The following PWWP3B variants were observed in gnomAD, a reference collection of about 807,000 sequenced individuals.
The protein encoded by PWWP3B is PWWP domain-containing DNA repair factor 3B.
In PWWP3B, 5 loss-of-function variants were observed where a neutral mutation model predicts 15.7. The ratio of observed to expected loss-of-function variants is 0.32; its 90% confidence interval spans 0.17 to 0.67. The LOEUF is 0.67. Ranked by LOEUF, PWWP3B falls within the 30% of genes least tolerant of loss-of-function variation. The probability of loss-of-function intolerance (pLI) is 0.74; values close to 1 mark genes in which losing one functional copy is unlikely to be tolerated. For synonymous variants in PWWP3B, 203 were observed against 179.8 expected, an observed-to-expected ratio of 1.13 and a Z score of -1.03; for missense variants, 519 against 493.1, an observed-to-expected ratio of 1.05 and a Z score of -0.50.
intron 2 of PWWP3B, among the ~76,000 whole-genome samples, chrX:106,192,795 A>G (rs1156802557): frequency 1.8e-5 from 2 of 110,714 alleles, no homozygotes; most frequent in Non-Finnish European, 3.8e-5. Context: ...TCATTTCATT[A>G]TGTACCCAGT....
intron 2 of PWWP3B, among the ~76,000 whole-genome samples, chrX:106,192,333 G>T (rs1207736939): frequency 8.9e-6 from 1 of 111,764 alleles, no homozygotes; most frequent in African/African-American, 3.3e-5. Context: ...TTGCATAGAG[G>T]TGTTTATAGT....
At chrX:106,197,870 A>G (rs1454831379) in intron 2 of PWWP3B, among the ~76,000 whole-genome samples, 1 of 111,444 alleles carries the variant, frequency 9.0e-6, no homozygotes, top group African/African-American at 3.3e-5. Flanking sequence ...ATTTATCATT[A>G]TTAAGTTATG....
chrX:106,191,786 C>A (rs981552843), intron 2 of PWWP3B, among the ~76,000 whole-genome samples: 3 of 111,552 alleles, frequency 2.7e-5, no homozygotes, highest in African/African-American at 9.8e-5. Flanking sequence ...TTTTCTGCAT[C>A]TATTGAGATA....
chrX:106,183,635 A>G (rs1309030861), intron 2 of PWWP3B, among the ~76,000 whole-genome samples: 1 of 112,417 alleles, frequency 8.9e-6, no homozygotes, highest in Non-Finnish European at 1.9e-5. Context: ...CCAGTTACAA[A>G]TGAGGAGGTG....
chrX:106,205,139 T>G, intron 3 of PWWP3B, 80 bp from the exon 4 acceptor site: 1 of 217,786 alleles, frequency 4.6e-6, no homozygotes, highest in East Asian at 7.7e-5. Context: ...CCCTTCTCCA[T>G]TTGTAATTGC....
chrX:106,189,691 C>T (rs1192657492), intron 2 of PWWP3B, among the ~76,000 whole-genome samples: 3 of 103,390 alleles, frequency 2.9e-5, no homozygotes, highest in African/African-American at 1.1e-4. Flanking sequence ...GATCTCGGCT[C>T]ACTGCAAGCT....
chrX:106,188,631 C>T, intron 2 of PWWP3B, among the ~76,000 whole-genome samples: 1 of 112,343 alleles, frequency 8.9e-6, no homozygotes. Context: ...TATAACCTTT[C>T]CTTTACTCCA....
chrX:106,206,427 A>G lies in PWWP3B; in HGVS notation c.995A>G (p.His332Arg), dbSNP rs762431161. The G allele has an allele frequency of 3.3e-6, 4 of 1,210,134 alleles. No homozygotes were observed. The highest frequency in any genetic ancestry group is 2.3e-4 in the Middle Eastern group (1 of 4,350). ...SASNPVWDYS[H>R]LMSSERNFQR... is the part of the protein sequence containing the mutation. ...TCTAACCCTGTCTGGGATTATTCAC[A>G]TCTTATGAGTAGTGAAAGAAATTTT... Residue 332 changes from histidine to arginine, a missense_variant, in exon 4 of 4, where the codon CAT becomes CGT. Transcript: ENST00000357175.
intron 2 of PWWP3B, among the ~76,000 whole-genome samples, chrX:106,196,964 C>T (rs974343100): frequency 2.7e-5 from 3 of 111,431 alleles, no homozygotes; most frequent in African/African-American, 9.8e-5. Context: ...GTGCCACCAG[C>T]AGAGAGTCTC....
At chrX:106,198,503 C>T (rs970754017) in intron 2 of PWWP3B, among the ~76,000 whole-genome samples, 1 of 111,473 alleles carries the variant, frequency 9.0e-6, no homozygotes, top group African/African-American at 3.3e-5. Context: ...CAGGAAATAA[C>T]CATCTAATTA....
rs1439321754 is a variant in PWWP3B, at chrX:106,194,084, G to T, written c.-400-9901G>T. ...CTGTATTTCCTGAATTTGAATGTTG[G>T]CCTGCCTTGCTAGATTGGGGAAGTT... On this transcript the variant is annotated intron_variant, in intron 2 of 3. Transcript: ENST00000357175. 1.7e-4 allele frequency among the ~76,000 whole-genome samples: 19 copies of T among 111,083 alleles called. No individual in the cohort carries two copies. The Admixed American group carries it at 1.8e-3, about 11-fold the overall frequency.
chrX:106,175,148 C>CATG (rs962961831), intron 2 of PWWP3B, among the ~76,000 whole-genome samples: 1 of 109,412 alleles, frequency 9.1e-6, no homozygotes, highest in African/African-American at 3.3e-5. Flanking sequence ...GGATAGTAAG[C>CATG]ATGGTAGTTG....
chrX:106,183,952 G>A (rs1162411446), intron 2 of PWWP3B, among the ~76,000 whole-genome samples: 3 of 112,061 alleles, frequency 2.7e-5, no homozygotes, highest in African/African-American at 9.7e-5. Context: ...GGACATGGGC[G>A]AGGAGGCAGC....
At chrX:106,173,103 T>G (rs1407350123) in intron 2 of PWWP3B, among the ~76,000 whole-genome samples, 1 of 111,998 alleles carries the variant, frequency 8.9e-6, no homozygotes, top group East Asian at 2.8e-4. Flanking sequence ...AATCCGTGCC[T>G]CATAACGTTG....
Position 106,206,539 on chromosome X carries a change from AGAT to A in PWWP3B, c.1116_1118del (p.Asp372del). On this transcript the variant is annotated inframe_deletion, in exon 4 of 4. Transcript: ENST00000357175. ...CAAGTCGCATTAATCTTTCTCTATT[AGAT>A]GATGATGAGGAAGACGAAGAACTTC... 3 of 1,208,617 alleles carry A rather than the reference AGAT, an allele frequency of 2.5e-6. No homozygotes were observed. The highest frequency in any genetic ancestry group is 3.6e-5 in the South Asian group (2 of 56,269).
intron 2 of PWWP3B, among the ~76,000 whole-genome samples, chrX:106,199,855 A>G: frequency 8.9e-6 from 1 of 111,778 alleles, no homozygotes; most frequent in Admixed American, 9.5e-5. Flanking sequence ...GTGAGCAACT[A>G]GAAGTTTCTG....
chrX:106,174,369 C>A (rs1361897476), intron 2 of PWWP3B, among the ~76,000 whole-genome samples: 1 of 111,697 alleles, frequency 9.0e-6, no homozygotes, highest in African/African-American at 3.3e-5. Context: ...ACCTCAGAAT[C>A]ATTATCCATT....
At chrX:106,199,623 G>GA (rs1233051832) in intron 2 of PWWP3B, among the ~76,000 whole-genome samples, 122 of 107,978 alleles carry the variant, frequency 1.1e-3, no homozygotes, top group African/African-American at 3.6e-3. Flanking sequence ...GGGGAAAGTG[G>GA]AAAAAAAAAG....
intron 2 of PWWP3B, among the ~76,000 whole-genome samples, chrX:106,190,102 C>G (rs1332171457): frequency 7.2e-5 from 8 of 111,114 alleles, no homozygotes; most frequent in Non-Finnish European, 3.8e-5. Flanking sequence ...AGTTCTAGAT[C>G]CCTGAGGAAT....
Sources: gnomAD v4.1 joint callset for allele counts (sites outside exome capture counted in the v4.1 genomes callset) on GRCh38, gnomAD v4.1.1 for gene constraint, MANE v1.5 for transcripts, NCBI Gene and HGNC (gene_info 2026-07-23, HGNC 2026-07-21) for gene names.